The following GABRB1 variants were observed in gnomAD, a reference collection of about 807,000 sequenced individuals.
The protein encoded by GABRB1 is gamma-aminobutyric acid type A receptor subunit beta1, also known as gamma-aminobutyric acid receptor subunit beta-1.
A neutral mutation model predicts 51.6 loss-of-function variants in GABRB1; 17 were observed. The observed-to-expected ratio is 0.33, with a 90% CI of 0.23 to 0.49. The LOEUF is 0.49. GABRB1 is among the 20% of genes least tolerant of loss of function. The pLI is 0.99. For synonymous variants in GABRB1, 247 were observed against 218.9 expected, an observed-to-expected ratio of 1.13 and a Z score of -1.14; for missense variants, 410 against 600.6, an observed-to-expected ratio of 0.68 and a Z score of 3.32.
At chr4:47,271,538 T>C (rs573879496) in intron 4 of GABRB1, among the ~76,000 whole-genome samples, 1 of 152,326 alleles carries the variant, frequency 6.6e-6, no homozygotes, top group South Asian at 2.1e-4. Flanking sequence ...TAATCAGTCC[T>C]GGCCCAGGTG....
intron 3 of GABRB1, among the ~76,000 whole-genome samples, chr4:47,056,572 T>C (rs1485250910): frequency 6.6e-6 from 1 of 152,014 alleles, no homozygotes; most frequent in Non-Finnish European, 1.5e-5. Flanking sequence ...ACCAGAGAAA[T>C]ACACATACAA....
intron 4 of GABRB1, among the ~76,000 whole-genome samples, chr4:47,211,970 T>G (rs1583952): frequency 0.36 from 54,698 of 151,972 alleles, 10,302 homozygotes; most frequent in African/African-American, 0.43. Context: ...TAACTTAAAC[T>G]CATCTACAAA....
chr4:47,320,467 C>G (rs188021529), intron 5 of GABRB1, among the ~76,000 whole-genome samples: 6 of 152,268 alleles, frequency 3.9e-5, no homozygotes, highest in African/African-American at 1.4e-4. Context: ...TCTCCCAAAG[C>G]CTTCCAATAT....
intron 3 of GABRB1, among the ~76,000 whole-genome samples, chr4:47,077,741 CT>C (rs1208971874): frequency 6.7e-6 from 1 of 149,804 alleles, no homozygotes; most frequent in Non-Finnish European, 1.5e-5. Flanking sequence ...TAAAAATTAG[CT>C]TATCAGAGAC....
intron 5 of GABRB1, among the ~76,000 whole-genome samples, chr4:47,345,117 C>G (rs1347795826): frequency 6.6e-6 from 1 of 152,200 alleles, no homozygotes; most frequent in Non-Finnish European, 1.5e-5. Flanking sequence ...AATGTGTCTT[C>G]CCTCTTTCCT....
intron 4 of GABRB1, among the ~76,000 whole-genome samples, chr4:47,178,365 C>T (rs1718790053): frequency 6.6e-6 from 1 of 152,162 alleles, no homozygotes; most frequent in East Asian, 1.9e-4. Context: ...TCTCATGGTC[C>T]TTATAGAATC....
At chr4:47,345,181 A>G (rs1726045940) in intron 5 of GABRB1, among the ~76,000 whole-genome samples, 1 of 152,216 alleles carries the variant, frequency 6.6e-6, no homozygotes, top group African/African-American at 2.4e-5. Flanking sequence ...GGCATCAAAT[A>G]ATCAGAAATG....
At chr4:47,057,836 G>A (rs965302635) in intron 3 of GABRB1, among the ~76,000 whole-genome samples, 2 of 152,178 alleles carry the variant, frequency 1.3e-5, no homozygotes, top group Admixed American at 6.5e-5. Flanking sequence ...TAGTGTTGAA[G>A]CATGCATGAA....
At chr4:47,310,623 T>C (rs901194274) in intron 4 of GABRB1, among the ~76,000 whole-genome samples, 9 of 152,188 alleles carry the variant, frequency 5.9e-5, no homozygotes, top group African/African-American at 2.2e-4. Flanking sequence ...CTATCTGGGT[T>C]TGAATCTCAG....
At chr4:47,151,710 A>T (rs997944324) in intron 3 of GABRB1, among the ~76,000 whole-genome samples, 3 of 152,062 alleles carry the variant, frequency 2.0e-5, no homozygotes, top group Non-Finnish European at 2.9e-5. Flanking sequence ...GAACTAAGGA[A>T]CTTACAGAAA....
At chr4:47,364,431 AG>A (rs1726909556) in intron 5 of GABRB1, among the ~76,000 whole-genome samples, 1 of 152,118 alleles carries the variant, frequency 6.6e-6, no homozygotes, top group Non-Finnish European at 1.5e-5. Flanking sequence ...AAGAAGAGGA[AG>A]AGCAAAAAAG....
At chr4:47,273,704 GAA>G (rs766047262) in intron 4 of GABRB1, among the ~76,000 whole-genome samples, 1 of 151,946 alleles carries the variant, frequency 6.6e-6, no homozygotes, top group Non-Finnish European at 1.5e-5. Flanking sequence ...GACAGAGAAA[GAA>G]AAGAGAGTCA....
upstream of GABRB1, among the ~76,000 whole-genome samples, chr4:47,028,761 G>A (rs943624954): frequency 1.3e-5 from 2 of 148,368 alleles, no homozygotes; most frequent in Admixed American, 6.8e-5. Context: ...CACACACCCC[G>A]ACACATACAT....
At chr4:47,296,648 A>C (rs571613849) in intron 4 of GABRB1, among the ~76,000 whole-genome samples, 16 of 152,332 alleles carry the variant, frequency 1.1e-4, no homozygotes, top group African/African-American at 3.6e-4. Context: ...AGACTCCCAC[A>C]CAATAATAAT....
intron 4 of GABRB1, among the ~76,000 whole-genome samples, chr4:47,263,103 T>A: frequency 6.7e-6 from 1 of 149,850 alleles, no homozygotes. Context: ...AAATGATGAG[T>A]TAATGGGTGC....
intron 5 of GABRB1, among the ~76,000 whole-genome samples, chr4:47,341,921 A>G (rs1403000920): frequency 1.3e-5 from 2 of 152,176 alleles, no homozygotes; most frequent in African/African-American, 4.8e-5. Context: ...GAACACAAGC[A>G]CTTATAACAG....
At chr4:47,168,856 T>C (rs1718318226) in intron 4 of GABRB1, among the ~76,000 whole-genome samples, 1 of 152,140 alleles carries the variant, frequency 6.6e-6, no homozygotes, top group Admixed American at 6.6e-5. Flanking sequence ...TTTTGAGGGC[T>C]CTGAGGAGAA....
chr4:47,149,567 T>A (rs1717333657), intron 3 of GABRB1, among the ~76,000 whole-genome samples: 1 of 152,022 alleles, frequency 6.6e-6, no homozygotes, highest in Non-Finnish European at 1.5e-5. Flanking sequence ...ACTGAATGTC[T>A]ATTTTAGCCA....
Position 47,315,065 on chromosome 4 carries a change from T to C in GABRB1, c.462-5062T>C, listed in dbSNP as rs538764887. Reference sequence around the variant, plus strand: ...TAAAGAGCTTCTGCACAGCAAAACATCATTAGAATGTTGTTCATCAACAGA... The same window carrying C: ...TAAAGAGCTTCTGCACAGCAAAACACCATTAGAATGTTGTTCATCAACAGA... On this transcript the variant is annotated intron_variant, in intron 4 of 8. Coordinates refer to ENST00000295454, the MANE Select transcript of GABRB1 (RefSeq NM_000812.4). Among the ~76,000 whole-genome samples, 11 of 151,784 alleles carry C rather than the reference T, an allele frequency of 7.2e-5. No individual in the cohort carries two copies. In the South Asian group the frequency reaches 2.3e-3, roughly 31 times the overall value.
Sources: gnomAD v4.1 joint callset for allele counts (sites outside exome capture counted in the v4.1 genomes callset) on GRCh38, gnomAD v4.1.1 for gene constraint, MANE v1.5 for transcripts, NCBI Gene and HGNC (gene_info 2026-07-23, HGNC 2026-07-21) for gene names.